ZNF276: variants seen among roughly 807,000 people sequenced by gnomAD.
ZNF276 encodes centromere protein Z.
ZNF276 carries 59 observed loss-of-function variants against 63.9 expected under a neutral mutation model. That is an observed-to-expected ratio of 0.92 (90% CI 0.75 to 1.15). The LOEUF (loss-of-function observed/expected upper bound fraction) is 1.15, where lower values mean the gene tolerates loss of function less well. Among genes scored for constraint, ZNF276 ranks in the 50% most tolerant of loss-of-function variants. The probability of loss-of-function intolerance (pLI) is 0.00; values close to 1 mark genes in which losing one functional copy is unlikely to be tolerated. For synonymous variants in ZNF276, 496 were observed against 348.4 expected (o/e 1.42, Z -4.72); for missense variants, 1,084 against 843.8 (o/e 1.28, Z -3.53).
chr16:89,729,149 A>G, intron 5 of ZNF276, 86 bp from the exon 6 acceptor site: 1 of 1,072,164 alleles, frequency 9.3e-7, no homozygotes, highest in Non-Finnish European at 1.4e-6. Flanking sequence ...ATGGGGGTCC[A>G]TTTGGTATCT....
At position 89,738,653 on chromosome 16, in the gene ZNF276, C is replaced by G. The variant is rs587778322; in HGVS notation, c.*407C>G. The G allele has an allele frequency of 3.7e-6, 6 of 1,613,580 alleles. No homozygotes were observed. The highest frequency in any genetic ancestry group is 3.3e-5 in the South Asian group (3 of 91,052). On this transcript the variant is annotated 3_prime_UTR_variant, in exon 11 of 11. Coordinates refer to ENST00000443381, the MANE Select transcript of ZNF276 (RefSeq NM_001113525.2). Reference sequence around the variant, plus strand: ...GTCAGCGTCAGGGGCAGCCTGCTGTCTGCTCTGGAGGGCGGCGCTCACCTC... The same window carrying G: ...GTCAGCGTCAGGGGCAGCCTGCTGTGTGCTCTGGAGGGCGGCGCTCACCTC...
chr16:89,724,868 C>G (rs773678645), intron 4 of ZNF276, among the ~76,000 whole-genome samples: 1 of 152,206 alleles, frequency 6.6e-6, no homozygotes, highest in African/African-American at 2.4e-5. Flanking sequence ...CTCTCTCTAT[C>G]TACCTACCTA....
rs1274469811 is a variant in ZNF276, at chr16:89,739,868, A to G, written c.*1622A>G. 6.5e-7 allele frequency: 1 copy of G among 1,545,488 alleles called. No individual in the cohort carries two copies. Among genetic ancestry groups the G allele is most frequent in the Admixed American group, 2.0e-5 (1 of 50,750 alleles). ...AACAAGTTTGTGCTTAATCTGTCCC[A>G]ACTAAAATGGAGCTTATAAACTTAC... On this transcript the variant is annotated 3_prime_UTR_variant, in exon 11 of 11. Coordinates refer to ENST00000443381, the MANE Select transcript of ZNF276 (RefSeq NM_001113525.2).
At position 89,722,815 on chromosome 16, in the gene ZNF276, C is replaced by A. The variant is rs369093499; in HGVS notation, c.490C>A (p.Arg164Ser). 1.2e-6 allele frequency: 2 copies of A among 1,603,600 alleles called. No homozygotes were observed. Among genetic ancestry groups the A allele is most frequent in the South Asian group, 1.1e-5 (1 of 91,046 alleles). Residue 164 changes from arginine (R) to serine (S), a missense_variant, in exon 2 of 11, where the codon CGC (arginine) becomes AGC (serine). Arg to Ser is a moderately radical substitution (Grantham distance 110). Coordinates refer to ENST00000443381, the MANE Select transcript of ZNF276 (RefSeq NM_001113525.2). ...LQRVNASPAG[R>S]RKPCAKVGAQ... Reference sequence around the variant, plus strand: ...GAGGGTCAACGCCTCCCCGGCTGGTCGCCGGAAGCCTTGTGCAAAGTACGC... The same window carrying A: ...GAGGGTCAACGCCTCCCCGGCTGGTAGCCGGAAGCCTTGTGCAAAGTACGC...
chr16:89,722,351 G>A (rs919368), intron 1 of ZNF276, among the ~76,000 whole-genome samples, 180 bp from the exon 2 acceptor site: 2,386 of 152,346 alleles, frequency 0.016, 80 homozygotes, highest in African/African-American at 0.055. Flanking sequence ...TCTTGGACCA[G>A]CGGCCACATC....
intron 9 of ZNF276, among the ~76,000 whole-genome samples, chr16:89,734,348 C>G (rs928626899): frequency 6.6e-6 from 1 of 151,828 alleles, no homozygotes; most frequent in Non-Finnish European, 1.5e-5. Context: ...TTTTTTGAGA[C>G]GGAGTCCTGC....
At chr16:89,735,839 T>C (rs1213875195) in intron 9 of ZNF276, among the ~76,000 whole-genome samples, 1 of 151,836 alleles carries the variant, frequency 6.6e-6, no homozygotes, top group East Asian at 1.9e-4. Flanking sequence ...CTCAGCCTCC[T>C]GAGTAGCTGG....
At chr16:89,734,872 A>G (rs2061799948) in intron 9 of ZNF276, among the ~76,000 whole-genome samples, 1 of 152,300 alleles carries the variant, frequency 6.6e-6, no homozygotes, top group Non-Finnish European at 1.5e-5. Flanking sequence ...CAAAATGACA[A>G]ACTTGGCCGG....
Position 89,721,774 on chromosome 16 carries a change from C to A in ZNF276, c.134C>A (p.Ala45Glu). Reference sequence around the variant, plus strand: ...AGCGGTGGGCCGAGGGTGGACGGGGCGACGGCGCGGCGCGCCTGGGGCCCG... The same window carrying A: ...AGCGGTGGGCCGAGGGTGGACGGGGAGACGGCGCGGCGCGCCTGGGGCCCG... The part of the protein sequence containing the change: ...SLSGGPRVDG[A>E]TARRAWGPVG... Residue 45 changes from alanine (A) to glutamate (E), a missense_variant, in exon 1 of 11, where the codon GCG becomes GAG. Physicochemically the swap from Ala to Glu is moderately radical, Grantham distance 107. Coordinates refer to ENST00000443381, the MANE Select transcript of ZNF276 (RefSeq NM_001113525.2). 7.9e-7 allele frequency: 1 copy of A among 1,264,302 alleles called. No individual in the cohort carries two copies. Among genetic ancestry groups the A allele is most frequent in the Non-Finnish European group, 9.9e-7 (1 of 1,005,938 alleles). 78.3% of individuals were successfully genotyped at this position (1,264,302 alleles called of 1,614,324 possible).
In ZNF276 at chr16:89,740,725, G is replaced by T; in HGVS notation, c.*2479G>T. 8.0e-7 allele frequency: 1 copy of T among 1,242,356 alleles called. No homozygotes were observed. Among genetic ancestry groups the T allele is most frequent in the Non-Finnish European group, 1.2e-6 (1 of 852,176 alleles). The allele number at this position is 1,242,356 out of a possible 1,614,324, so 77.0% of individuals were successfully genotyped here. The stretch of plus-strand genomic sequence containing the variant: ...GCTCCTGAGCTAGTCTGGAAACCCT[G>T]ACTTGGAAGCTGGCTGCCTGGTGCC... On this transcript the variant is annotated 3_prime_UTR_variant, in exon 11 of 11. Coordinates refer to ENST00000443381, the MANE Select transcript of ZNF276 (RefSeq NM_001113525.2).
At chr16:89,735,374 A>G (rs1216787778) in intron 9 of ZNF276, among the ~76,000 whole-genome samples, 5 of 152,144 alleles carry the variant, frequency 3.3e-5, no homozygotes, top group South Asian at 2.1e-4. Flanking sequence ...TTATTACAGA[A>G]TAAGAATTAT....
chr16:89,729,183 C>A, intron 5 of ZNF276, 52 bp from the exon 6 acceptor site: 2 of 1,515,232 alleles, frequency 1.3e-6, no homozygotes, highest in Non-Finnish European at 1.8e-6. Flanking sequence ...CGTGTTGGGT[C>A]TGTCACTGCC....
At position 89,738,224 on chromosome 16, in the gene ZNF276, C is replaced by T. The variant is rs55830337; in HGVS notation, c.1823C>T (p.Ala608Val). Residue 608 changes from alanine to valine, a missense_variant, in exon 11 of 11, where the codon GCG becomes GTG. Ala to Val is a moderately conservative substitution (Grantham distance 64). Coordinates refer to ENST00000443381, the MANE Select transcript of ZNF276 (RefSeq NM_001113525.2). The part of the protein sequence containing the change: ...PSPSVTTEGQ[A>V]VKPEPT ...CCCTCTGTGACCACAGAGGGCCAGG[C>T]GGTGAAGCCCGAACCCACCTGAGGA... The T allele has an allele frequency of 2.4e-5, 38 of 1,606,596 alleles. No homozygotes were observed. Among genetic ancestry groups the T allele is most frequent in the African/African-American group, 1.5e-4 (11 of 74,728 alleles).
chr16:89,732,758 G>A (rs367818460), intron 6 of ZNF276: 7 of 176,796 alleles, frequency 4.0e-5, no homozygotes, highest in Admixed American at 6.8e-5. Flanking sequence ...CCATGCCCTC[G>A]CCCTCTGCTG....
chr16:89,738,845 TCCCCCA>T lies in ZNF276; in HGVS notation c.*601_*606del. On this transcript the variant is annotated 3_prime_UTR_variant, in exon 11 of 11. Coordinates refer to ENST00000443381, the MANE Select transcript of ZNF276 (RefSeq NM_001113525.2). ...GCCCAGGCAGCTGTCAATTCTCATG[TCCCCCA>T]CATGGCCCAAGGTGGGCATCTTGAC... is the stretch of plus-strand genomic sequence containing the variant. 6.2e-7 allele frequency: 1 copy of T among 1,614,094 alleles called. No individual in the cohort carries two copies. The highest frequency in any genetic ancestry group is 8.5e-7 in the Non-Finnish European group (1 of 1,180,012).
At position 89,727,538 on chromosome 16, in the gene ZNF276, G is replaced by A. The variant is rs112599955; in HGVS notation, c.1085+181G>A. On this transcript the variant is annotated intron_variant, in intron 5 of 10. Transcript: ENST00000443381. ...ACCAAACTAAGCCATCACAGGGGCCGGCTGTCCGTGCCCTGGTTGGGACAC... is the reference window on the plus strand; with the variant it reads ...ACCAAACTAAGCCATCACAGGGGCCAGCTGTCCGTGCCCTGGTTGGGACAC... 2.4e-4 allele frequency among the ~76,000 whole-genome samples: 36 copies of A among 152,290 alleles called. 1 individual carries two copies. The highest frequency in any genetic ancestry group is 1.0e-3 in the South Asian group (5 of 4,826).
intron 9 of ZNF276, among the ~76,000 whole-genome samples, chr16:89,735,201 GA>G (rs888643049): frequency 1.3e-5 from 2 of 151,926 alleles, no homozygotes; most frequent in Non-Finnish European, 2.9e-5. Context: ...CTGGTATTCA[GA>G]GGGCTGCCTT....
At chr16:89,725,723 G>A (rs1230963100) in intron 4 of ZNF276, among the ~76,000 whole-genome samples, 1 of 152,018 alleles carries the variant, frequency 6.6e-6, no homozygotes, top group African/African-American at 2.4e-5. Context: ...CCTGGGAGGC[G>A]GAGATTGCAG....
Position 89,738,324 on chromosome 16 carries a change from C to A in ZNF276, c.*78C>A, listed in dbSNP as rs528787665. ...GTCAGCCTCACCCTTCGTGTGCACC[C>A]GCATGGGAGGGTCGGAGGGTGCTGC... On this transcript the variant is annotated 3_prime_UTR_variant, in exon 11 of 11. Transcript: ENST00000443381. The A allele has an allele frequency of 1.3e-6, 2 of 1,512,274 alleles. No homozygotes were observed. The highest frequency in any genetic ancestry group is 4.4e-4 in the Middle Eastern group (2 of 4,500). The allele number at this position is 1,512,274 out of a possible 1,614,324, so 93.7% of individuals were successfully genotyped here. A position where few individuals can be genotyped will look rare whatever the true frequency, so the allele number is the denominator to read the frequency against.
Sources: allele counts gnomAD v4.1 joint callset (sites outside exome capture counted in the v4.1 genomes callset), GRCh38; gene constraint gnomAD v4.1.1; transcripts MANE v1.5; gene names NCBI Gene and HGNC (gene_info 2026-07-23, HGNC 2026-07-21).